Variants in ELFN1 observed in about 807,000 individuals in gnomAD.
ELFN1 encodes the protein protein ELFN1.
Under a neutral mutation model 7.6 loss-of-function variants are expected in ELFN1, and 6 were observed. The ratio of observed to expected loss-of-function variants is 0.79; its 90% CI spans 0.43 to 1.56. The LOEUF (loss-of-function observed/expected upper bound fraction) is 1.56, where lower values mean the gene tolerates loss of function less well. ELFN1 is among the 40% of genes most tolerant of loss of function. The pLI, the probability that ELFN1 is intolerant of heterozygous loss-of-function variation, is 0.01. For synonymous variants in ELFN1, 657 were observed against 588.1 expected (o/e 1.12, Z -1.70); for missense variants, 1,169 against 1,232.2 (o/e 0.95, Z 0.77).
chr7:1,736,082 G>A (rs972945886), intron 3 of ELFN1, among the ~76,000 whole-genome samples: 2 of 152,304 alleles, frequency 1.3e-5, no homozygotes, highest in East Asian at 1.9e-4. Context: ...CAGGCCTTGC[G>A]GCTCGAGGCC....
rs1217691507 is a variant in ELFN1 at position 1,746,547 on chromosome 7, G to A, written c.1951G>A (p.Ala651Thr). The change falls in exon 4 of 4, where the codon GCC becomes ACC. Residue 651 changes from alanine to threonine, a missense_variant. Physicochemically the swap from Ala to Thr is moderately conservative, Grantham distance 58 (BLOSUM62 0). Around this residue, in one of 2 missense-constraint regions of ELFN1, gnomAD observed 914 missense variants for 872.6 expected, o/e 1.05. Transcript: ENST00000424383. Reference protein sequence around the residue: ...SSSGSVRSPRAFRAEAVGVHK... With the variant: ...SSSGSVRSPRTFRAEAVGVHK... ...CAGCGGCTCCGTGCGCAGCCCCCGC[G>A]CCTTCCGAGCCGAGGCCGTCGGGGT... 1.5e-5 allele frequency: 20 copies of A among 1,375,466 alleles called. No homozygotes were observed. The highest frequency in any genetic ancestry group is 4.4e-4 in the Middle Eastern group (2 of 4,584). 85.2% of individuals were successfully genotyped at this position (1,375,466 alleles called of 1,614,324 possible). A position where few individuals can be genotyped will look rare whatever the true frequency, so the allele number is the denominator to read the frequency against.
At chr7:1,706,886 G>T (rs1055036404) in intron 2 of ELFN1, among the ~76,000 whole-genome samples, 1 of 152,262 alleles carries the variant, frequency 6.6e-6, no homozygotes, top group South Asian at 2.1e-4. Context: ...TGCATTGGAT[G>T]CCTGGGCCTG....
chr7:1,737,721 C>T (rs1686853843), intron 3 of ELFN1, among the ~76,000 whole-genome samples: 3 of 152,280 alleles, frequency 2.0e-5, no homozygotes, highest in East Asian at 1.9e-4. Flanking sequence ...TCACTACCTG[C>T]CACAGCTTGT....
At chr7:1,706,565 C>T (rs1779535025) in intron 2 of ELFN1, among the ~76,000 whole-genome samples, 2 of 152,250 alleles carry the variant, frequency 1.3e-5, no homozygotes, top group South Asian at 4.1e-4. Context: ...CCCGGCCTTC[C>T]CAGTGCAGCC....
chr7:1,713,812 G>A (rs939648036), intron 3 of ELFN1, among the ~76,000 whole-genome samples: 10 of 151,950 alleles, frequency 6.6e-5, no homozygotes, highest in African/African-American at 1.7e-4. Flanking sequence ...GCATCCCAGC[G>A]ACTCGCCCAA....
At position 1,745,643 on chromosome 7, in the gene ELFN1, C is replaced by T. The variant is rs1411423487; in HGVS notation, c.1047C>T (p.Asn349=). The T allele has an allele frequency of 5.2e-6, 8 of 1,551,162 alleles. No homozygotes were observed. The highest frequency in any genetic ancestry group is 3.9e-5 in the Admixed American group (2 of 50,994). The part of the protein sequence containing the change: ...FHRMYTLEHF[N]NSKASTVSRL... ...GGATGTACACCCTGGAGCATTTCAA[C>T]AACAGCAAGGCCTCCACCGTGTCCA... Residue 349 remains asparagine, a synonymous_variant, in exon 4 of 4, where the codon AAC becomes AAT. Coordinates refer to ENST00000424383, the MANE Select transcript of ELFN1 (RefSeq NM_001128636.4).
intron 3 of ELFN1, among the ~76,000 whole-genome samples, chr7:1,741,719 G>A (rs1232939350): frequency 6.6e-6 from 1 of 152,138 alleles, no homozygotes; most frequent in East Asian, 1.9e-4. Context: ...CATGCAACAT[G>A]CCAGACATAC....
intron 1 of ELFN1, among the ~76,000 whole-genome samples, chr7:1,681,384 A>G (rs150706299): frequency 0.016 from 2,363 of 152,164 alleles, 59 homozygotes; most frequent in African/African-American, 0.054. Context: ...TTTTCTTGAG[A>G]TGGAGTCTCA....
chr7:1,679,343 C>A (rs1301117812), intron 1 of ELFN1, among the ~76,000 whole-genome samples: 3 of 152,152 alleles, frequency 2.0e-5, no homozygotes, highest in African/African-American at 7.2e-5. Flanking sequence ...GCTGCACATC[C>A]CCCTCCCTGC....
At chr7:1,678,356 C>A (rs1482537192) in intron 1 of ELFN1, among the ~76,000 whole-genome samples, 1 of 152,240 alleles carries the variant, frequency 6.6e-6, no homozygotes, top group Non-Finnish European at 1.5e-5. Context: ...GGGCTCAGAG[C>A]AGCTCTCCCG....
At chr7:1,743,769 G>A (rs60955371) in intron 3 of ELFN1, among the ~76,000 whole-genome samples, 2,476 of 152,322 alleles carry the variant, frequency 0.016, 83 homozygotes, top group African/African-American at 0.056. Context: ...CTCCAGGGGC[G>A]TTGTGGCCGG....
rs929773654 is a variant in ELFN1 at position 1,744,545 on chromosome 7, C to A, written c.-52C>A. On this transcript the variant is annotated 5_prime_UTR_variant, in exon 4 of 4. Transcript: ENST00000424383. ...CTCTGGGGGCTGGCGCCTGGCCCCC[C>A]ACCTGGTCCCCCTGGGCAGGCTGAA... is the stretch of plus-strand genomic sequence containing the variant. 36 of 1,440,292 alleles carry A rather than the reference C, an allele frequency of 2.5e-5. 2 individuals carry two copies. The highest frequency in any genetic ancestry group is 1.5e-4 in the South Asian group (10 of 66,870). The allele number at this position is 1,440,292 out of a possible 1,614,324, so 89.2% of individuals were successfully genotyped here. A position where few individuals can be genotyped will look rare whatever the true frequency, so the allele number is the denominator to read the frequency against.
At chr7:1,698,462 T>G (rs1410164677) in intron 2 of ELFN1, among the ~76,000 whole-genome samples, 1 of 152,188 alleles carries the variant, frequency 6.6e-6, no homozygotes, top group Admixed American at 6.5e-5. Context: ...TGGCCACCGT[T>G]GGCAGCCGCA....
Position 1,747,223 on chromosome 7 carries a change from TG to T in ELFN1, c.*144del. On this transcript the variant is annotated 3_prime_UTR_variant, in exon 4 of 4. Coordinates refer to ENST00000424383, the MANE Select transcript of ELFN1 (RefSeq NM_001128636.4). ...CCTGCAGAGGCGAGGGGGGAGCGAG[TG>T]GGGACAGACAAGGGGGACACGTCCC... is the stretch of plus-strand genomic sequence containing the variant. 1 of 1,016,632 alleles carries T rather than the reference TG, an allele frequency of 9.8e-7. No individual in the cohort carries two copies. The allele number at this position is 1,016,632 out of a possible 1,614,324, so 63.0% of individuals were successfully genotyped here.
chr7:1,738,096 G>A (rs1386040455), intron 3 of ELFN1, among the ~76,000 whole-genome samples: 1 of 152,186 alleles, frequency 6.6e-6, no homozygotes, highest in Non-Finnish European at 1.5e-5. Flanking sequence ...CAGCGGTTCT[G>A]GGAGCCCATT....
intron 3 of ELFN1, among the ~76,000 whole-genome samples, chr7:1,718,068 G>T (rs1361108118): frequency 6.6e-6 from 1 of 152,208 alleles, no homozygotes; most frequent in African/African-American, 2.4e-5. Flanking sequence ...ACCATCACCT[G>T]CAGTTTCCAT....
intron 3 of ELFN1, among the ~76,000 whole-genome samples, chr7:1,725,609 C>T (rs942364527): frequency 5.3e-5 from 8 of 152,206 alleles, no homozygotes; most frequent in African/African-American, 1.7e-4. Context: ...GTCGGCTTCA[C>T]CGAAAATGGA....
In ELFN1 at chr7:1,676,067, C is replaced by T. The variant is rs377636511; in HGVS notation, c.-549+5713C>T. On this transcript the variant is annotated intron_variant, in intron 1 of 3. Coordinates refer to ENST00000424383, the MANE Select transcript of ELFN1 (RefSeq NM_001128636.4). ...CTGGGAGGGGGACTGGGATGCTTCC[C>T]GGACATGTCTGGAAAGGTGGCAGCT... Among the ~76,000 whole-genome samples the T allele has an allele frequency of 2.6e-4, 40 of 152,176 alleles. 2 individuals are homozygous for T. The highest frequency in any genetic ancestry group is 1.2e-3 in the East Asian group (6 of 5,192).
chr7:1,679,465 G>T (rs939574255), intron 1 of ELFN1, among the ~76,000 whole-genome samples: 1 of 152,186 alleles, frequency 6.6e-6, no homozygotes, highest in African/African-American at 2.4e-5. Flanking sequence ...CCTGCTCTGG[G>T]GTCCCCTGCA....
Sources: gnomAD v4.1 joint callset for allele counts (sites outside exome capture counted in the v4.1 genomes callset) on GRCh38, gnomAD v4.1.1 for gene constraint, gnomAD v4.1.1 regional missense constraint, MANE v1.5 for transcripts, NCBI Gene and HGNC (gene_info 2026-07-23, HGNC 2026-07-21) for gene names.